WDR7: variants seen among roughly 807,000 people sequenced by gnomAD.
The protein encoded by WDR7 is WD repeat domain 7, also known as WD repeat-containing protein 7.
A neutral mutation model predicts 169.4 loss-of-function variants in WDR7; 46 were observed. The ratio of observed to expected loss-of-function variants is 0.27; its 90% CI spans 0.21 to 0.35. The LOEUF is 0.35. Among genes scored for constraint, WDR7 ranks in the 10% least tolerant of loss-of-function variants. The pLI is 1.00. For synonymous variants in WDR7, 612 were observed against 666.8 expected, an observed-to-expected ratio of 0.92 and a Z score of 1.27; for missense variants, 1,534 against 1,859.3, an observed-to-expected ratio of 0.83 and a Z score of 3.22.
chr18:56,832,063 CAG>C (rs1297577353), intron 20 of WDR7, among the ~76,000 whole-genome samples: 1 of 152,184 alleles, frequency 6.6e-6, no homozygotes. Context: ...CCCACCCCGA[CAG>C]AGCCCAGCAA....
At chr18:56,719,973 A>G (rs112625677) in intron 13 of WDR7, among the ~76,000 whole-genome samples, 2 of 152,272 alleles carry the variant, frequency 1.3e-5, no homozygotes, top group Non-Finnish European at 2.9e-5. Context: ...GTGTGTGTGT[A>G]TACATGCATG....
At chr18:56,791,068 C>G (rs902393795) in intron 19 of WDR7, among the ~76,000 whole-genome samples, 5 of 152,020 alleles carry the variant, frequency 3.3e-5, no homozygotes, top group African/African-American at 7.2e-5. Flanking sequence ...TGAAAATAAC[C>G]ACAACCACTT....
chr18:56,951,354 A>G (rs531905080), intron 25 of WDR7, among the ~76,000 whole-genome samples: 132 of 152,192 alleles, frequency 8.7e-4, no homozygotes, highest in African/African-American at 3.1e-3. Context: ...CTGCTCCTAG[A>G]ACAGAGAGCC....
Position 56,734,960 on chromosome 18 carries a change from A to G in WDR7, c.1989+3363A>G, listed in dbSNP as rs191186444. Among the ~76,000 whole-genome samples, 498 of 152,300 alleles carry G rather than the reference A, an allele frequency of 3.3e-3. 1 individual carries two copies. Among genetic ancestry groups the G allele is most frequent in the Non-Finnish European group, 5.6e-3 (383 of 68,006 alleles). On this transcript the variant is annotated intron_variant, in intron 14 of 27. Transcript: ENST00000254442. The stretch of plus-strand genomic sequence containing the variant: ...AGTAGGAAGTTAGTTTGAGGTGTCA[A>G]TTAGAATTGTGTCATAGAAGAACTT...
chr18:56,658,252 C>T (rs755546586), intron 1 of WDR7, among the ~76,000 whole-genome samples: 1 of 152,016 alleles, frequency 6.6e-6, no homozygotes, highest in Non-Finnish European at 1.5e-5. Context: ...TACAGGTGTG[C>T]ACCACCACAC....
intron 19 of WDR7, among the ~76,000 whole-genome samples, chr18:56,784,954 T>A (rs1199441829): frequency 6.6e-6 from 1 of 151,980 alleles, no homozygotes; most frequent in African/African-American, 2.4e-5. Context: ...GCATTCTACA[T>A]GTAACTGAAA....
chr18:56,851,946 GT>G (rs2045646704), intron 20 of WDR7, among the ~76,000 whole-genome samples: 2 of 152,166 alleles, frequency 1.3e-5, no homozygotes, highest in African/African-American at 2.4e-5. Flanking sequence ...TTGGTAGATA[GT>G]GCTGTTGAAA....
At chr18:56,703,088 A>G (rs2025867860) in intron 12 of WDR7, among the ~76,000 whole-genome samples, 1 of 152,212 alleles carries the variant, frequency 6.6e-6, no homozygotes, top group Admixed American at 6.5e-5. Context: ...GTAATCTCCA[A>G]AAATACCCAG....
In WDR7 at chr18:56,718,045, A is replaced by G; in HGVS notation, c.1660A>G (p.Met554Val). 1.9e-6 allele frequency: 3 copies of G among 1,614,122 alleles called. No homozygotes were observed. Among genetic ancestry groups the G allele is most frequent in the Non-Finnish European group, 2.5e-6 (3 of 1,179,986 alleles). The change falls in exon 13 of 28, where the codon ATG becomes GTG. Residue 554 changes from methionine (M) to valine (V), a missense_variant. By Grantham distance (21) the Met-to-Val change is conservative. Coordinates refer to ENST00000254442, the MANE Select transcript of WDR7 (RefSeq NM_015285.3). ...AAGTTTGCGAGAGAAAAAATGCATA[A>G]TGTTGGCATCTCGTCACCTTTTTCC... is the stretch of plus-strand genomic sequence containing the variant. Reference protein sequence around the residue: ...LLSLREKKCIMLASRHLFPIQ... With the variant: ...LLSLREKKCIVLASRHLFPIQ...
intron 20 of WDR7, among the ~76,000 whole-genome samples, chr18:56,842,827 T>C (rs2045506470): frequency 6.6e-6 from 1 of 152,244 alleles, no homozygotes; most frequent in Admixed American, 6.5e-5. Flanking sequence ...TATATACTTT[T>C]AGCTTTAGAG....
At chr18:56,779,364 A>G in intron 17 of WDR7, 67 bp from the exon 18 acceptor site, 1 of 1,277,328 alleles carries the variant, frequency 7.8e-7, no homozygotes, top group Non-Finnish European at 1.1e-6. Flanking sequence ...ATACTTACAT[A>G]AAGAACTGTT....
chr18:56,714,947 A>G (rs112537093), intron 12 of WDR7, among the ~76,000 whole-genome samples: 4 of 152,200 alleles, frequency 2.6e-5, no homozygotes, highest in African/African-American at 9.6e-5. Flanking sequence ...CTATGCTCTT[A>G]TTTAATATTC....
chr18:56,670,800 C>T (rs764475864), intron 1 of WDR7, among the ~76,000 whole-genome samples: 3 of 152,182 alleles, frequency 2.0e-5, no homozygotes, highest in East Asian at 1.9e-4. Flanking sequence ...TGTGAGCCAC[C>T]GCACCTGGCC....
At chr18:56,955,449 G>A (rs1223020738) in intron 25 of WDR7, among the ~76,000 whole-genome samples, 1 of 152,076 alleles carries the variant, frequency 6.6e-6, no homozygotes, top group Non-Finnish European at 1.5e-5. Flanking sequence ...AATTTAGATG[G>A]AAGCTATAAA....
rs1185213508 is a variant in WDR7, at chr18:56,731,566, C to G, written c.1958C>G (p.Thr653Ser). The stretch of plus-strand genomic sequence containing the variant: ...CATCATAAGCTACAAACCCTTGCAA[C>G]TAACCTCTTGGCTTCTGAGGCATCT... ...MAHHKLQTLA[T>S]NLLASEASDK... Residue 653 changes from threonine to serine, a missense_variant, in exon 14 of 28, where the codon ACT (threonine) becomes AGT (serine). Physicochemically the swap from Thr to Ser is moderately conservative, Grantham distance 58. Coordinates refer to ENST00000254442, the MANE Select transcript of WDR7 (RefSeq NM_015285.3). 1.2e-6 allele frequency: 2 copies of G among 1,613,934 alleles called. No individual in the cohort carries two copies. The highest frequency in any genetic ancestry group is 1.7e-6 in the Non-Finnish European group (2 of 1,180,016).
intron 21 of WDR7, among the ~76,000 whole-genome samples, chr18:56,912,605 A>G (rs2046567897): frequency 6.6e-6 from 1 of 152,182 alleles, no homozygotes; most frequent in African/African-American, 2.4e-5. Flanking sequence ...CCATTGGCTT[A>G]TAAATTGCCA....
At chr18:56,710,779 C>T (rs2026069691) in intron 12 of WDR7, among the ~76,000 whole-genome samples, 1 of 152,134 alleles carries the variant, frequency 6.6e-6, no homozygotes, top group Non-Finnish European at 1.5e-5. Context: ...TCAGTTTCTA[C>T]ATCTTTAAAA....
chr18:56,734,525 A>G (rs1032106375), intron 14 of WDR7, among the ~76,000 whole-genome samples: 4 of 124,214 alleles, frequency 3.2e-5, no homozygotes, highest in South Asian at 2.5e-4. Context: ...ACTGCTTTTG[A>G]AAAAAAAAAA....
At chr18:56,917,631 A>G (rs1043808942) in intron 21 of WDR7, among the ~76,000 whole-genome samples, 4 of 152,184 alleles carry the variant, frequency 2.6e-5, no homozygotes, top group African/African-American at 9.7e-5. Flanking sequence ...AAAGTTTTAA[A>G]CATTGGCATT....
Sources: gnomAD v4.1 joint callset for allele counts (sites outside exome capture counted in the v4.1 genomes callset) on GRCh38, gnomAD v4.1.1 for gene constraint, MANE v1.5 for transcripts, NCBI Gene and HGNC (gene_info 2026-07-23, HGNC 2026-07-21) for gene names.